Variants in PLEKHS1 observed in about 807,000 individuals in gnomAD.
PLEKHS1 encodes pleckstrin homology domain-containing family S member 1.
A neutral mutation model predicts 51.0 loss-of-function variants in PLEKHS1; 55 were observed. The ratio of observed to expected loss-of-function variants is 1.08; its 90% CI spans 0.87 to 1.35. The LOEUF is 1.35. Ranked by LOEUF, PLEKHS1 falls within the 40% of genes most tolerant of loss-of-function variation. The pLI is 0.00. For missense variants in PLEKHS1, 398 were observed against 423.0 expected (o/e 0.94, Z 0.52); for synonymous variants, 153 against 144.8 (o/e 1.06, Z -0.41).
At chr10:113,772,161 C>T (rs541079329) in intron 8 of PLEKHS1, 72 bp downstream of exon 8, 96 of 1,537,380 alleles carry the variant, frequency 6.2e-5, no homozygotes, top group African/African-American at 5.2e-4. Context: ...ATGCACTTTT[C>T]GTGCAATATT....
At chr10:113,772,111 A>G (rs1353672475) in intron 8 of PLEKHS1, 22 bp downstream of exon 8, 1 of 1,609,578 alleles carries the variant, frequency 6.2e-7, no homozygotes. Context: ...TTGTCCATTC[A>G]TCATTTGTTT....
At chr10:113,772,177 A>G (rs2134550933) in intron 8 of PLEKHS1, 88 bp downstream of exon 8, 1 of 1,427,812 alleles carries the variant, frequency 7.0e-7, no homozygotes, top group South Asian at 1.2e-5. Flanking sequence ...ATATTAGGCT[A>G]TGGTCAGTGG....
intron 6 of PLEKHS1, among the ~76,000 whole-genome samples, 183 bp downstream of exon 6, chr10:113,769,073 TGA>T (rs1225144722): frequency 6.6e-6 from 1 of 152,234 alleles, no homozygotes; most frequent in Non-Finnish European, 1.5e-5. Context: ...TTGTGTTTTG[TGA>T]GAGAGCTAAA....
chr10:113,768,567 C>T (rs1844261503), intron 5 of PLEKHS1, among the ~76,000 whole-genome samples: 1 of 152,182 alleles, frequency 6.6e-6, no homozygotes, highest in Non-Finnish European at 1.5e-5. Context: ...AGCCCCAAAC[C>T]CTGTGATTAC....
intron 11 of PLEKHS1, among the ~76,000 whole-genome samples, chr10:113,780,134 T>C (rs1329672855): frequency 2.2e-5 from 3 of 136,056 alleles, no homozygotes; most frequent in African/African-American, 8.3e-5. Flanking sequence ...GGGGTGGGGA[T>C]GGGGCAGGGA....
In PLEKHS1 at chr10:113,758,097, C is replaced by T. The variant is rs993398243; in HGVS notation, c.28+2792C>T. Among the ~76,000 whole-genome samples, 3 of 152,174 alleles carry T rather than the reference C, an allele frequency of 2.0e-5. No homozygotes were observed. In the East Asian group the frequency reaches 5.8e-4, roughly 29 times the overall value. On this transcript the variant is annotated intron_variant, in intron 2 of 11. Transcript: ENST00000361048. ...ATCGAGGAGTATTGGAATCCACTTC[C>T]TCCAGACTCCTGTTGATGTTGATAT...
chr10:113,781,031 C>T, exon 12 of PLEKHS1: 1 of 508,444 alleles, frequency 2.0e-6, no homozygotes, highest in Non-Finnish European at 3.5e-6. Flanking sequence ...CCAAACACCA[C>T]AGACACAGAT....
intron 2 of PLEKHS1, chr10:113,755,520 T>C: frequency 1.1e-6 from 1 of 920,306 alleles, no homozygotes; most frequent in Non-Finnish European, 1.4e-6. Flanking sequence ...TCCTCTAACC[T>C]CAGCCTCCCG....
At chr10:113,774,082 G>C (rs1398396616) in intron 8 of PLEKHS1, 145 bp from the exon 9 acceptor site, 1 of 562,780 alleles carries the variant, frequency 1.8e-6, no homozygotes. Flanking sequence ...GGTAAGGTTG[G>C]TTGATATTTC....
intron 2 of PLEKHS1, among the ~76,000 whole-genome samples, chr10:113,765,990 A>G (rs1844143577): frequency 6.6e-6 from 1 of 152,236 alleles, no homozygotes; most frequent in South Asian, 2.1e-4. Flanking sequence ...CAACTTCTGC[A>G]GCAACTCTAC....
At chr10:113,760,696 A>G (rs1248627381) in intron 2 of PLEKHS1, among the ~76,000 whole-genome samples, 1 of 152,104 alleles carries the variant, frequency 6.6e-6, no homozygotes, top group Non-Finnish European at 1.5e-5. Context: ...AGTTCTTTAT[A>G]TATTCTGGAT....
At chr10:113,761,430 C>T (rs1843924145) in intron 2 of PLEKHS1, among the ~76,000 whole-genome samples, 1 of 146,734 alleles carries the variant, frequency 6.8e-6, no homozygotes, top group African/African-American at 2.5e-5. Context: ...AATGTTTTCC[C>T]ATTAATTTAT....
At chr10:113,752,699 C>T (rs1330787977) in intron 1 of PLEKHS1, among the ~76,000 whole-genome samples, 1 of 152,308 alleles carries the variant, frequency 6.6e-6, no homozygotes, top group East Asian at 1.9e-4. Context: ...CTCTAAACCA[C>T]CACACCCTAC....
intron 2 of PLEKHS1, among the ~76,000 whole-genome samples, chr10:113,764,502 C>T (rs1166636406): frequency 6.6e-6 from 1 of 152,044 alleles, no homozygotes; most frequent in Non-Finnish European, 1.5e-5. Context: ...GTCTTTTCTT[C>T]CTCTGGCTAC....
chr10:113,780,774 G>A (rs2134596426), exon 12 of PLEKHS1: 3 of 1,549,386 alleles, frequency 1.9e-6, no homozygotes, highest in Non-Finnish European at 2.6e-6. Context: ...AAAGGAGCCA[G>A]GGAGTAACGC....
intron 1 of PLEKHS1, among the ~76,000 whole-genome samples, chr10:113,753,756 CTT>C (rs1242868031): frequency 1.4e-4 from 22 of 152,036 alleles, no homozygotes; most frequent in African/African-American, 5.1e-4. Context: ...TATCTTAGAA[CTT>C]GTCTTAATCT....
At chr10:113,769,924 A>C in intron 7 of PLEKHS1, 24 bp downstream of exon 7, 3 of 1,525,846 alleles carry the variant, frequency 2.0e-6, no homozygotes, top group Non-Finnish European at 2.7e-6. Flanking sequence ...CTTCTTTCTC[A>C]GGACACCACA....
chr10:113,778,461 A>G (rs891622264), intron 11 of PLEKHS1, among the ~76,000 whole-genome samples: 2 of 152,194 alleles, frequency 1.3e-5, no homozygotes, highest in African/African-American at 4.8e-5. Flanking sequence ...ATTGTGTAGC[A>G]TATCTATATT....
chr10:113,753,472 T>G (rs1853946267), intron 1 of PLEKHS1, among the ~76,000 whole-genome samples: 1 of 152,210 alleles, frequency 6.6e-6, no homozygotes. Flanking sequence ...CTCAATAGCT[T>G]GGCATCTTTC....
Sources: gnomAD v4.1 joint callset for allele counts (sites outside exome capture counted in the v4.1 genomes callset) on GRCh38, gnomAD v4.1.1 for gene constraint, MANE v1.5 for transcripts, NCBI Gene and HGNC (gene_info 2026-07-23, HGNC 2026-07-21) for gene names.